The following SENP6 variants were observed in gnomAD, a reference collection of about 807,000 sequenced individuals.
SENP6 encodes sentrin-specific protease 6.
A neutral mutation model predicts 134.5 loss-of-function variants in SENP6; 41 were observed. The ratio of observed to expected loss-of-function variants is 0.30; its 90% CI spans 0.24 to 0.40. The LOEUF (loss-of-function observed/expected upper bound fraction) is 0.40. Among genes scored for constraint, SENP6 ranks in the 10% least tolerant of loss-of-function variants. The probability of loss-of-function intolerance (pLI) is 1.00; values close to 1 mark genes in which losing one functional copy is unlikely to be tolerated. For missense variants in SENP6, 1,248 were observed against 1,312.5 expected, an observed-to-expected ratio of 0.95 and a Z score of 0.76; for synonymous variants, 395 against 429.8, an observed-to-expected ratio of 0.92 and a Z score of 1.00.
At chr6:75,631,367 A>G (rs1258909939) in intron 3 of SENP6, among the ~76,000 whole-genome samples, 2 of 152,200 alleles carry the variant, frequency 1.3e-5, no homozygotes, top group Non-Finnish European at 2.9e-5. Context: ...CATATTGAGC[A>G]CAGTGTTCTA....
chr6:75,654,542 T>C (rs1292658856), intron 7 of SENP6, among the ~76,000 whole-genome samples: 1 of 152,210 alleles, frequency 6.6e-6, no homozygotes, highest in Non-Finnish European at 1.5e-5. Context: ...GAGAATGTGA[T>C]AGATACATGA....
chr6:75,702,580 AT>A, intron 18 of SENP6, 64 bp from the exon 19 acceptor site: 1 of 1,346,116 alleles, frequency 7.4e-7, no homozygotes, highest in Non-Finnish European at 1.0e-6. Flanking sequence ...TTTAATTGAT[AT>A]GTATTGCCAA....
At chr6:75,652,373 A>G (rs1468815693) in intron 7 of SENP6, among the ~76,000 whole-genome samples, 2 of 151,752 alleles carry the variant, frequency 1.3e-5, no homozygotes, top group Non-Finnish European at 2.9e-5. Context: ...GTGGCCCACT[A>G]TGTTTATGTG....
chr6:75,659,321 A>T lies in SENP6; in HGVS notation c.610A>T (p.Lys204Ter). The change falls in exon 8 of 24, where the codon AAA becomes TAA. Residue 204 changes from lysine to a stop codon, truncating the protein, a stop_gained. Coordinates refer to ENST00000447266, the MANE Select transcript of SENP6 (RefSeq NM_015571.4). LOFTEE classifies it high-confidence loss of function. The part of the protein sequence containing the change: ...ESQVEPEIKR[K>*]VQQKRHCSTY... ...ACAAGTGGAGCCTGAAATTAAGAGG[A>T]AAGTACAACAGAAACGACACTGTAG... The T allele has an allele frequency of 1.2e-6, 2 of 1,612,160 alleles. No homozygotes were observed. The highest frequency in any genetic ancestry group is 8.5e-7 in the Non-Finnish European group (1 of 1,178,340).
chr6:75,625,305 G>A (rs1043764145), intron 3 of SENP6, among the ~76,000 whole-genome samples: 3 of 151,302 alleles, frequency 2.0e-5, no homozygotes, highest in Admixed American at 6.6e-5. Context: ...ATTAGAGACC[G>A]GGTTTCACCA....
Position 75,647,820 on chromosome 6 carries a change from T to A in SENP6, c.550+19T>A, listed in dbSNP as rs1770573021. 6.3e-7 allele frequency: 1 copy of A among 1,589,142 alleles called. No individual in the cohort carries two copies. ...GGTGTTGGTAAGTGTGCAGTTTTGT[T>A]ACACCTGTGAAGGATTTCAAATTGC... On this transcript the variant is annotated intron_variant, in intron 7 of 23. Coordinates refer to ENST00000447266, the MANE Select transcript of SENP6 (RefSeq NM_015571.4).
intron 5 of SENP6, 169 bp downstream of exon 5, chr6:75,634,980 G>T: frequency 1.5e-6 from 1 of 676,274 alleles, no homozygotes; most frequent in Non-Finnish European, 2.7e-6. Flanking sequence ...TTTTATATCT[G>T]CTTTTGAGTA....
chr6:75,703,940 A>G (rs1775216149), intron 19 of SENP6, among the ~76,000 whole-genome samples: 1 of 152,210 alleles, frequency 6.6e-6, no homozygotes, highest in Non-Finnish European at 1.5e-5. Context: ...GGAAATTTAC[A>G]GTATTCAGCA....
chr6:75,658,974 CAAAAAAAAAAA>C (rs35016433), intron 7 of SENP6, among the ~76,000 whole-genome samples: 1 of 71,978 alleles, frequency 1.4e-5, no homozygotes, highest in African/African-American at 6.9e-5. Context: ...CTTGTCTCCC[CAAAAAAAAAAA>C]AAAAAAAAAA....
chr6:75,625,649 A>G (rs1471383943), intron 3 of SENP6, among the ~76,000 whole-genome samples: 3 of 152,188 alleles, frequency 2.0e-5, no homozygotes, highest in Non-Finnish European at 4.4e-5. Flanking sequence ...CAGGCAGATC[A>G]CTTGAGGTCA....
intron 1 of SENP6, among the ~76,000 whole-genome samples, chr6:75,617,763 A>G (rs1279603692): frequency 6.6e-6 from 1 of 152,178 alleles, no homozygotes; most frequent in Non-Finnish European, 1.5e-5. Context: ...TTCATATTCG[A>G]GAGTCCAATC....
Position 75,602,464 on chromosome 6 carries a change from C to A in SENP6, c.-61C>A. The A allele has an allele frequency of 2.6e-6, 4 of 1,543,048 alleles. No individual in the cohort carries two copies. Among genetic ancestry groups the A allele is most frequent in the Non-Finnish European group, 2.6e-6 (3 of 1,141,530 alleles). ...CCTCCTCCGGCGCGGCCCCTCATCC[C>A]GGCGAGCACGGCGGCGGTGTGGGCC... On this transcript the variant is annotated 5_prime_UTR_variant, in exon 1 of 24. Transcript: ENST00000447266.
chr6:75,625,019 A>G (rs1768561044), intron 3 of SENP6, among the ~76,000 whole-genome samples: 1 of 152,038 alleles, frequency 6.6e-6, no homozygotes, highest in South Asian at 2.1e-4. Context: ...GTATTGTATA[A>G]TAATGTTATA....
At chr6:75,704,217 G>A (rs920180169) in intron 19 of SENP6, among the ~76,000 whole-genome samples, 8 of 152,142 alleles carry the variant, frequency 5.3e-5, no homozygotes, top group African/African-American at 2.4e-5. Flanking sequence ...GCATATCAAG[G>A]ACCTGCCCCG....
chr6:75,715,842 T>C lies in SENP6; in HGVS notation c.*248T>C. On this transcript the variant is annotated 3_prime_UTR_variant, in exon 24 of 24. Transcript: ENST00000447266. Reference sequence around the variant, plus strand: ...TGTTAGGAAGCTTTTGTTATGTATTTTCTGTTAATAGTACCTAAAATTGCA... The same window carrying C: ...TGTTAGGAAGCTTTTGTTATGTATTCTCTGTTAATAGTACCTAAAATTGCA... 3.7e-6 allele frequency: 1 copy of C among 270,794 alleles called. No homozygotes were observed. The highest frequency in any genetic ancestry group is 6.9e-6 in the Non-Finnish European group (1 of 144,882). 16.8% of individuals were successfully genotyped at this position (270,794 alleles called of 1,614,324 possible). A position where few individuals can be genotyped will look rare whatever the true frequency, so the allele number is the denominator to read the frequency against.
In SENP6 at chr6:75,633,717, A is replaced by G. The variant is rs1231789320; in HGVS notation, c.344A>G (p.Lys115Arg). Residue 115 changes from lysine (K) to arginine (R), a missense_variant, in exon 4 of 24, where the codon AAG (lysine) becomes AGG (arginine). Lys to Arg is a conservative substitution (Grantham distance 26). Coordinates refer to ENST00000447266, the MANE Select transcript of SENP6 (RefSeq NM_015571.4). ...PIGLNMLSNN[K>R]KLSENTQNTS... ...GGACTTAACATGTTGAGCAACAATA[A>G]GAAATTGAGGTATAGGCACTTCACC... The G allele has an allele frequency of 2.5e-6, 4 of 1,605,242 alleles. No individual in the cohort carries two copies. The African/African-American group carries it at 4.0e-5, about 16-fold the overall frequency.
At chr6:75,664,007 G>A (rs1258328961) in intron 9 of SENP6, among the ~76,000 whole-genome samples, 4 of 152,042 alleles carry the variant, frequency 2.6e-5, no homozygotes, top group Admixed American at 6.6e-5. Flanking sequence ...GGGACTGGTT[G>A]ACTAGAGTAT....
At chr6:75,607,356 A>G (rs1347561547) in intron 1 of SENP6, among the ~76,000 whole-genome samples, 1 of 151,880 alleles carries the variant, frequency 6.6e-6, no homozygotes, top group Non-Finnish European at 1.5e-5. Flanking sequence ...GAGGGGCAGC[A>G]GATTATCCAG....
chr6:75,695,691 C>T (rs1357055699), intron 16 of SENP6, 113 bp from the exon 17 acceptor site: 16 of 727,096 alleles, frequency 2.2e-5, no homozygotes, highest in East Asian at 3.5e-5. Context: ...GAGTTGAGAT[C>T]GCTCCACTGC....
Sources: allele counts gnomAD v4.1 joint callset (sites outside exome capture counted in the v4.1 genomes callset), GRCh38; gene constraint gnomAD v4.1.1; transcripts MANE v1.5; gene names NCBI Gene and HGNC (gene_info 2026-07-23, HGNC 2026-07-21).